The following CIMAP1B variants were observed in gnomAD, a reference collection of about 807,000 sequenced individuals.
CIMAP1B encodes orf2 5' to PD-ECGF/TP.
At chr22:50,530,648 C>A in the CIMAP1B span, 1 of 1,587,780 alleles carries the variant, frequency 6.3e-7, no homozygotes, top group Non-Finnish European at 8.6e-7. Context: ...CTGATCCCAT[C>A]ACTCCGACCT....
At chr22:50,530,488 C>T in the CIMAP1B span, 1 of 1,597,854 alleles carries the variant, frequency 6.3e-7, no homozygotes, top group Non-Finnish European at 8.5e-7. Flanking sequence ...GGTCAGTTGT[C>T]CGCGTCGGTC....
the CIMAP1B span, chr22:50,531,677 C>T: frequency 7.3e-7 from 1 of 1,369,490 alleles, no homozygotes; most frequent in Non-Finnish European, 9.4e-7. Context: ...CACCAGGTGG[C>T]CTGGCCCGGG....
At chr22:50,530,578 C>T in the CIMAP1B span, 14 of 1,575,056 alleles carry the variant, frequency 8.9e-6, no homozygotes, top group Non-Finnish European at 1.2e-5. Context: ...CCCGGAGACA[C>T]CGCTGACCTC....
the CIMAP1B span, chr22:50,530,891 G>A: frequency 6.2e-7 from 1 of 1,607,976 alleles, no homozygotes; most frequent in Non-Finnish European, 8.5e-7. Flanking sequence ...CGCCTCCACT[G>A]CCGCGGACCA....
chr22:50,531,113 G>A, the CIMAP1B span: 7 of 1,585,740 alleles, frequency 4.4e-6, no homozygotes, highest in African/African-American at 1.3e-5. Flanking sequence ...GGCGCAGGGT[G>A]GTCCCAGCTC....
chr22:50,530,812 AC>A, the CIMAP1B span: 3 of 1,603,366 alleles, frequency 1.9e-6, no homozygotes, highest in Admixed American at 1.7e-5. Context: ...GGACTTGTAG[AC>A]CCCTGGACTC....
the CIMAP1B span, chr22:50,530,797 G>T: frequency 4.4e-6 from 7 of 1,605,932 alleles, no homozygotes; most frequent in Non-Finnish European, 5.9e-6. Flanking sequence ...GAACTGGGGG[G>T]CCCGGGACTT....
the CIMAP1B span, chr22:50,530,795 G>C: frequency 6.2e-7 from 1 of 1,606,620 alleles, no homozygotes. Context: ...GTGAACTGGG[G>C]GGCCCGGGAC....
At chr22:50,530,844 G>A in the CIMAP1B span, 1 of 1,604,548 alleles carries the variant, frequency 6.2e-7, no homozygotes, top group Non-Finnish European at 8.5e-7. Flanking sequence ...AGGCGCAGGG[G>A]CCCGGGGTCT....
At chr22:50,530,923 G>T in the CIMAP1B span, 6 of 1,610,042 alleles carry the variant, frequency 3.7e-6, no homozygotes, top group African/African-American at 5.3e-5. Context: ...CGTCCGCCCC[G>T]GCCCCTCCCC....
chr22:50,532,183 G>A, the CIMAP1B span: 1 of 1,285,588 alleles, frequency 7.8e-7, no homozygotes, highest in South Asian at 2.3e-5. Flanking sequence ...CCACTACCCT[G>A]GGATCAGCGC....
At chr22:50,532,181 C>T in the CIMAP1B span, 1 of 1,284,958 alleles carries the variant, frequency 7.8e-7, no homozygotes, top group Non-Finnish European at 9.9e-7. Context: ...TCCCACTACC[C>T]TGGGATCAGC....
the CIMAP1B span, chr22:50,532,140 C>T: frequency 7.6e-7 from 1 of 1,320,752 alleles, no homozygotes; most frequent in Non-Finnish European, 9.7e-7. Context: ...GGCCGCGGCC[C>T]CTGCACCGCA....
chr22:50,531,710 G>C, the CIMAP1B span: 2 of 1,373,050 alleles, frequency 1.5e-6, no homozygotes, highest in Non-Finnish European at 1.9e-6. Context: ...CTGCTGCGTG[G>C]GGAAGCGCGC....
chr22:50,530,519 C>T, the CIMAP1B span: 1 of 1,601,212 alleles, frequency 6.2e-7, no homozygotes, highest in Non-Finnish European at 8.5e-7. Context: ...CCAGGTAGTC[C>T]GAGTGCCGGA....
At chr22:50,531,969 C>T in the CIMAP1B span, 3 of 1,334,370 alleles carry the variant, frequency 2.2e-6, no homozygotes, top group African/African-American at 3.1e-5. Context: ...CCCCTTCTAC[C>T]GGTGTTGGGC....
chr22:50,531,962 C>A, the CIMAP1B span: 1 of 1,331,130 alleles, frequency 7.5e-7, no homozygotes, highest in Non-Finnish European at 9.7e-7. Context: ...GGGCCTGCCC[C>A]TTCTACCGGT....
chr22:50,531,986 T>C, the CIMAP1B span: 1 of 1,344,546 alleles, frequency 7.4e-7, no homozygotes, highest in Non-Finnish European at 9.6e-7. Context: ...GGGCGGCAGC[T>C]TGTATTTGGG....
At chr22:50,532,079 G>A in the CIMAP1B span, 8 of 1,368,906 alleles carry the variant, frequency 5.8e-6, no homozygotes, top group South Asian at 1.7e-5. Context: ...CGAGCCCATA[G>A]CGCGGGTGGG....
Sources: allele counts gnomAD v4.1 joint callset, GRCh38; gene constraint gnomAD v4.1.1; transcripts MANE v1.5; gene names NCBI Gene and HGNC (gene_info 2026-07-23, HGNC 2026-07-21).